Variants in ASPG observed in about 807,000 individuals in gnomAD.
The protein encoded by ASPG is 60 kDa lysophospholipase.
Under a neutral mutation model 63.2 loss-of-function variants are expected in ASPG, and 53 were observed. The ratio of observed to expected loss-of-function variants is 0.84; its 90% CI spans 0.67 to 1.05. ASPG has a LOEUF of 1.05. Ranked by LOEUF, ASPG falls within the 50% of genes least tolerant of loss-of-function variation. The pLI, the probability that ASPG is intolerant of heterozygous loss-of-function variation, is 0.00. For missense variants in ASPG, 741 were observed against 794.4 expected (o/e 0.93, Z 0.81); for synonymous variants, 370 against 355.0 (o/e 1.04, Z -0.48).
rs1174715995 is a variant in ASPG at position 104,112,544 on chromosome 14, A to G, written c.1722A>G (p.Ter574=). ...TTCAGGAAGTGCTGCCTGGTGTCTA[A>G]CCTGAAGGCGTCCTGCTGCAGTATA... ...APCPEVLPGV[*] is the part of the protein sequence containing the mutation. Residue 574 remains the stop codon, a stop_retained_variant, in exon 16 of 16, where the codon TAA becomes TAG. Transcript: ENST00000551177. 6.3e-7 allele frequency: 1 copy of G among 1,584,172 alleles called. No homozygotes were observed. The highest frequency in any genetic ancestry group is 8.7e-7 in the Non-Finnish European group (1 of 1,153,658).
Position 104,114,855 on chromosome 14 carries a change from C to T in ASPG, c.*2311C>T, listed in dbSNP as rs1207739163. On this transcript the variant is annotated 3_prime_UTR_variant, in exon 16 of 16. Coordinates refer to ENST00000551177, the MANE Select transcript of ASPG (RefSeq NM_001080464.3). ...GGCACAGAGTGGCCCCGTCCTGCGC[C>T]CAGGGCTCTGCGTTGGCACAGGGCA... is the stretch of plus-strand genomic sequence containing the variant. The T allele has an allele frequency of 6.6e-6, 1 of 152,270 alleles. No individual in the cohort carries two copies. The highest frequency in any genetic ancestry group is 1.5e-5 in the Non-Finnish European group (1 of 68,088). The allele number at this position is 152,270 out of a possible 1,614,324, so 9.4% of individuals were successfully genotyped here.
chr14:104,087,944 A>G (rs946276793), intron 1 of ASPG, among the ~76,000 whole-genome samples: 1 of 152,172 alleles, frequency 6.6e-6, no homozygotes, highest in Non-Finnish European at 1.5e-5. Flanking sequence ...GACCTGAAGC[A>G]GCCTTCTGAG....
intron 1 of ASPG, among the ~76,000 whole-genome samples, chr14:104,086,374 C>A (rs1050358800): frequency 1.3e-5 from 2 of 152,208 alleles, no homozygotes; most frequent in African/African-American, 4.8e-5. Flanking sequence ...GTGTTCACAC[C>A]CGAGGTGGCC....
rs532265817 is a variant in ASPG, at chr14:104,092,661, C to T, written c.111C>T (p.Ala37=). ...TTGTGCCCGGGACGGGCCTGGCTGC[C>T]ATCCTGAGGACACTGCCCATGTTCC... The part of the protein sequence containing the change: ...GVLVPGTGLA[A]ILRTLPMFHD... Residue 37 remains alanine (A), a synonymous_variant, in exon 2 of 16, where the codon GCC becomes GCT. Transcript: ENST00000551177. 8 of 1,536,986 alleles carry T rather than the reference C, an allele frequency of 5.2e-6. No homozygotes were observed. The highest frequency in any genetic ancestry group is 2.0e-5 in the Admixed American group (1 of 51,150).
rs1021934645 is a variant in ASPG at position 104,105,167 on chromosome 14, AGGGG to A, written c.1051-160_1051-157del. On this transcript the variant is annotated intron_variant, in intron 9 of 15. Transcript: ENST00000551177. The stretch of plus-strand genomic sequence containing the variant: ...GCCAGGGAGTGGGGCTGGCCTTGGG[AGGGG>A]ACCCAGCCCGCTCTGGCCCGAGGGA... 15 of 1,128,768 alleles carry A rather than the reference AGGGG, an allele frequency of 1.3e-5. No individual in the cohort carries two copies. The African/African-American group carries it at 1.4e-4, about 10-fold the overall frequency. The allele number at this position is 1,128,768 out of a possible 1,614,324, so 69.9% of individuals were successfully genotyped here. A position where few individuals can be genotyped will look rare whatever the true frequency, so the allele number is the denominator to read the frequency against.
rs375293439 is a variant in ASPG, at chr14:104,107,204, A to G, written c.1292A>G (p.Asp431Gly). 1.3e-6 allele frequency: 2 copies of G among 1,584,126 alleles called. No individual in the cohort carries two copies. The highest frequency in any genetic ancestry group is 2.7e-5 in the African/African-American group (2 of 74,138). The change falls in exon 12 of 16, where the codon GAC becomes GGC. Residue 431 changes from aspartate (D) to glycine (G), a missense_variant. By Grantham distance (94) the Asp-to-Gly change is moderately conservative (BLOSUM62 -1). Transcript: ENST00000551177. ...CAGGGCAGTGACCTGGGCCTGGTGGACTTTAACGGCCAAACCCCACTGCAC... is the reference window on the plus strand; with the variant it reads ...CAGGGCAGTGACCTGGGCCTGGTGGGCTTTAACGGCCAAACCCCACTGCAC... ...VELGSDLGLV[D>G]FNGQTPLHAA...
rs115753124 is a variant in ASPG, at chr14:104,103,751, C to T, written c.753+76C>T. 2.7e-3 allele frequency: 3,484 copies of T among 1,302,082 alleles called. 81 individuals carry two copies. The African/African-American group carries it at 0.046, about 17-fold the overall frequency. 80.7% of individuals were successfully genotyped at this position (1,302,082 alleles called of 1,614,324 possible). The stretch of plus-strand genomic sequence containing the variant: ...CTGCAGCTCCCACGGCCCTCAGGCT[C>T]CCTGGGGCCCTCACCAGCCAGTGCA... On this transcript the variant is annotated intron_variant, in intron 7 of 15. Transcript: ENST00000551177.
chr14:104,105,343 C>CT lies in ASPG; in HGVS notation c.1068dup (p.Arg357SerfsTer57). The CT allele has an allele frequency of 6.2e-7, 1 of 1,612,654 alleles. No homozygotes were observed. The highest frequency in any genetic ancestry group is 8.5e-7 in the Non-Finnish European group (1 of 1,179,772). On this transcript the variant is annotated frameshift_variant, in exon 10 of 16. Transcript: ENST00000551177. LOFTEE classifies it high-confidence loss of function. The stretch of plus-strand genomic sequence containing the variant: ...TCTCCACCAGCTGCTGACCAAGGAC[C>CT]TTCGGGGGGAGATGACGCCACCCTC...
chr14:104,097,768 G>A, intron 5 of ASPG, 131 bp downstream of exon 5: 2 of 777,902 alleles, frequency 2.6e-6, no homozygotes, highest in Non-Finnish European at 4.1e-6. Flanking sequence ...CTGTCTTCTA[G>A]ATCTTATGTT....
chr14:104,097,852 G>T, intron 5 of ASPG, among the ~76,000 whole-genome samples: 1 of 136,638 alleles, frequency 7.3e-6, no homozygotes, highest in South Asian at 2.5e-4. Flanking sequence ...CGTTAGAGAT[G>T]CATATGGAGG....
chr14:104,112,126 G>A, intron 15 of ASPG, 126 bp downstream of exon 15: 1 of 882,076 alleles, frequency 1.1e-6, no homozygotes, highest in Non-Finnish European at 1.7e-6. Context: ...GTCCCAGCCA[G>A]TTTAGGGTCT....
At chr14:104,098,749 C>T in intron 5 of ASPG, 104 bp from the exon 6 acceptor site, 2 of 1,525,206 alleles carry the variant, frequency 1.3e-6, no homozygotes, top group South Asian at 1.2e-5. Flanking sequence ...TCCCACCTCC[C>T]CCTGGGTCTG....
rs938113344 is a variant in ASPG, at chr14:104,109,600, G to A, written c.1520+285G>A. On this transcript the variant is annotated intron_variant, in intron 13 of 15. Coordinates refer to ENST00000551177, the MANE Select transcript of ASPG (RefSeq NM_001080464.3). This position sits in a 1 kb window ranked among gnomAD's most constrained non-coding sequence, Gnocchi z 4.8. ...TGTGTATGCATGTGTGTGGGTGCATGTGTGTGTGTGTGGTGGGCTTGAGGA... is the reference window on the plus strand; with the variant it reads ...TGTGTATGCATGTGTGTGGGTGCATATGTGTGTGTGTGGTGGGCTTGAGGA... Among the ~76,000 whole-genome samples the A allele has an allele frequency of 2.6e-5, 3 of 116,926 alleles. No individual in the cohort carries two copies. The highest frequency in any genetic ancestry group is 3.2e-5 in the Non-Finnish European group (2 of 61,892). 76.7% of individuals were successfully genotyped at this position (116,926 alleles called of 152,430 possible). A position where few individuals can be genotyped will look rare whatever the true frequency, so the allele number is the denominator to read the frequency against.
intron 3 of ASPG, among the ~76,000 whole-genome samples, chr14:104,094,890 G>A (rs565152623): frequency 2.2e-4 from 34 of 152,330 alleles, no homozygotes; most frequent in African/African-American, 8.2e-4. Context: ...ACGGGGCTTG[G>A]TCTTTTAATG....
intron 5 of ASPG, among the ~76,000 whole-genome samples, chr14:104,098,407 T>C (rs1423436662): frequency 6.6e-6 from 1 of 152,156 alleles, no homozygotes; most frequent in Non-Finnish European, 1.5e-5. Flanking sequence ...CTTGAGCAGC[T>C]TGACTAGAGC....
chr14:104,103,223 C>T (rs2036958304), intron 6 of ASPG, among the ~76,000 whole-genome samples: 1 of 152,246 alleles, frequency 6.6e-6, no homozygotes, highest in Non-Finnish European at 1.5e-5. Flanking sequence ...GCCTCCATCT[C>T]TGCAGGACCC....
chr14:104,103,658 G>T lies in ASPG; in HGVS notation c.736G>T (p.Gly246Trp). The T allele has an allele frequency of 6.5e-7, 1 of 1,547,898 alleles. No individual in the cohort carries two copies. The change falls in exon 7 of 16, where the codon GGG (glycine) becomes TGG (tryptophan). Residue 246 changes from glycine to tryptophan, a missense_variant. Gly to Trp is a radical substitution (Grantham distance 184). Coordinates refer to ENST00000551177, the MANE Select transcript of ASPG (RefSeq NM_001080464.3). ...QDVGLLRLYP[G>W]IPAALVRAFL... ...CGTGGGCCTGCTGCGCCTCTACCCT[G>T]GGATCCCTGCCGCCCTGGTAGGGAC...
chr14:104,102,099 A>G (rs1189314284), intron 6 of ASPG, among the ~76,000 whole-genome samples: 1 of 152,006 alleles, frequency 6.6e-6, no homozygotes, highest in Non-Finnish European at 1.5e-5. Context: ...CCTCTCAGCC[A>G]TAACTCTTTG....
intron 4 of ASPG, among the ~76,000 whole-genome samples, chr14:104,095,976 G>A (rs920938830): frequency 6.6e-6 from 1 of 152,130 alleles, no homozygotes; most frequent in African/African-American, 2.4e-5. Context: ...GCTTCCTTGC[G>A]GCTGCTGCCC....
Sources: allele counts gnomAD v4.1 joint callset (sites outside exome capture counted in the v4.1 genomes callset), GRCh38; gene constraint gnomAD v4.1.1; non-coding constraint Gnocchi (gnomAD v3.1); transcripts MANE v1.5; gene names NCBI Gene and HGNC (gene_info 2026-07-23, HGNC 2026-07-21).